Variants in KIAA2012 observed in about 807,000 individuals in gnomAD.
The protein encoded by KIAA2012 is uncharacterized protein KIAA2012.
A neutral mutation model predicts 150.6 loss-of-function variants in KIAA2012; 125 were observed. The observed-to-expected ratio is 0.83, with a 90% CI of 0.72 to 0.96. The LOEUF (loss-of-function observed/expected upper bound fraction) is 0.96, where lower values mean the gene tolerates loss of function less well. Among genes scored for constraint, KIAA2012 ranks in the 40% least tolerant of loss-of-function variants. The probability of loss-of-function intolerance (pLI) is 0.00; values close to 1 mark genes in which losing one functional copy is unlikely to be tolerated. For missense variants in KIAA2012, 1,219 were observed against 1,354.9 expected (o/e 0.90, Z 1.57); for synonymous variants, 462 against 504.7 (o/e 0.92, Z 1.13).
At chr2:202,166,189 G>T (rs544230611) in intron 15 of KIAA2012, among the ~76,000 whole-genome samples, 1 of 152,292 alleles carries the variant, frequency 6.6e-6, no homozygotes, top group Admixed American at 6.5e-5. Flanking sequence ...GCACCAGCTG[G>T]ATTGCATAAA....
At chr2:202,127,071 T>C (rs1485585372) in intron 12 of KIAA2012, among the ~76,000 whole-genome samples, 3 of 151,888 alleles carry the variant, frequency 2.0e-5, no homozygotes, top group African/African-American at 7.3e-5. Context: ...TAAAAAGGAT[T>C]TGCAACTTCT....
At chr2:202,132,781 T>G (rs1690978732) in intron 12 of KIAA2012, among the ~76,000 whole-genome samples, 2 of 57,854 alleles carry the variant, frequency 3.5e-5, no homozygotes, top group African/African-American at 1.4e-4. Flanking sequence ...TATACATATA[T>G]ATATGCGTAT....
chr2:202,132,700 A>ATATATATGTATATATGTGTATATATATAG lies in KIAA2012; in HGVS notation c.1832-5715_1832-5714insGTATATATATAGTATATATGTATATATGT, dbSNP rs1559215319. 3.1e-3 allele frequency among the ~76,000 whole-genome samples: 303 copies of ATATATATGTATATATGTGTATATATATAG among 99,260 alleles called. 2 individuals are homozygous for ATATATATGTATATATGTGTATATATATAG. Among genetic ancestry groups the ATATATATGTATATATGTGTATATATATAG allele is most frequent in the African/African-American group, 0.011 (287 of 25,118 alleles). 65.1% of individuals were successfully genotyped at this position (99,260 alleles called of 152,430 possible). A position where few individuals can be genotyped will look rare whatever the true frequency, so the allele number is the denominator to read the frequency against. On this transcript the variant is annotated intron_variant, in intron 12 of 23. Coordinates refer to ENST00000498697, the MANE Select transcript of KIAA2012 (RefSeq NM_001277372.4). ...AATACATATATATATATGTATGTAT[A>ATATATATGTATATATGTGTATATATATAG]TATATATGTATATATGTATATATAT...
chr2:202,145,882 G>T (rs144521685), intron 13 of KIAA2012, among the ~76,000 whole-genome samples: 2 of 151,544 alleles, frequency 1.3e-5, no homozygotes, highest in African/African-American at 4.9e-5. Context: ...TCGGGGTTTC[G>T]CCATGTTGAC....
chr2:202,191,021 G>T (rs574309624), intron 19 of KIAA2012, among the ~76,000 whole-genome samples: 4 of 152,348 alleles, frequency 2.6e-5, no homozygotes, highest in African/African-American at 9.6e-5. Context: ...GTTCACGCCT[G>T]TAATCCCAGC....
intron 8 of KIAA2012, 46 bp downstream of exon 8, chr2:202,103,160 G>T (rs1364754736): frequency 6.5e-7 from 1 of 1,533,500 alleles, no homozygotes; most frequent in Non-Finnish European, 8.8e-7. Context: ...GCCTGGGATG[G>T]GGGGTCCTGC....
intron 16 of KIAA2012, among the ~76,000 whole-genome samples, chr2:202,185,811 G>A (rs1233024432): frequency 6.6e-6 from 1 of 151,940 alleles, no homozygotes; most frequent in Admixed American, 6.6e-5. Flanking sequence ...GGAAATTAAA[G>A]GTTTTCCAAG....
At chr2:202,178,299 A>T (rs960529309) in intron 15 of KIAA2012, among the ~76,000 whole-genome samples, 1 of 152,238 alleles carries the variant, frequency 6.6e-6, no homozygotes, top group African/African-American at 2.4e-5. Flanking sequence ...TATTTTTCCT[A>T]TACTGTGAAC....
At chr2:202,151,767 T>A (rs1265126662) in intron 13 of KIAA2012, among the ~76,000 whole-genome samples, 2 of 152,170 alleles carry the variant, frequency 1.3e-5, no homozygotes, top group African/African-American at 4.8e-5. Flanking sequence ...TACTTTTATA[T>A]TTATTTATTT....
intron 12 of KIAA2012, among the ~76,000 whole-genome samples, chr2:202,134,034 CA>C (rs1167722455): frequency 6.6e-6 from 1 of 151,024 alleles, no homozygotes; most frequent in Non-Finnish European, 1.5e-5. Flanking sequence ...CATTTATGAC[CA>C]AAAAAACACA....
intron 15 of KIAA2012, among the ~76,000 whole-genome samples, chr2:202,181,170 A>G (rs935553715): frequency 2.0e-5 from 3 of 152,114 alleles, no homozygotes; most frequent in African/African-American, 7.2e-5. Flanking sequence ...GGATCTCACC[A>G]TGCTGCCCAG....
At chr2:202,115,794 T>A (rs1239811414) in intron 11 of KIAA2012, 2 of 151,160 alleles carry the variant, frequency 1.3e-5, no homozygotes, top group Admixed American at 1.3e-4. Flanking sequence ...ATACGATCCA[T>A]CTGATCTTTC....
intron 13 of KIAA2012, among the ~76,000 whole-genome samples, chr2:202,144,226 C>A (rs1034527770): frequency 6.6e-6 from 1 of 152,118 alleles, no homozygotes; most frequent in African/African-American, 2.4e-5. Flanking sequence ...TTGATAGTAT[C>A]CTAAAAATCC....
intron 12 of KIAA2012, among the ~76,000 whole-genome samples, chr2:202,127,897 A>C (rs1417313504): frequency 6.6e-6 from 1 of 152,114 alleles, no homozygotes; most frequent in Non-Finnish European, 1.5e-5. Flanking sequence ...ATTATTGTGC[A>C]AACAGTCTCC....
At chr2:202,198,836 C>T (rs1300975053) in intron 22 of KIAA2012, among the ~76,000 whole-genome samples, 1 of 152,118 alleles carries the variant, frequency 6.6e-6, no homozygotes, top group Non-Finnish European at 1.5e-5. Flanking sequence ...CTTTAGGGGA[C>T]CAAAAAGAGA....
At chr2:202,160,232 A>G (rs964664150) in intron 14 of KIAA2012, among the ~76,000 whole-genome samples, 1 of 152,070 alleles carries the variant, frequency 6.6e-6, no homozygotes, top group Non-Finnish European at 1.5e-5. Context: ...GCAGAACCCA[A>G]GAAGGGAGCA....
Position 202,104,627 on chromosome 2 carries a change from G to A in KIAA2012, c.1325-1134G>A, listed in dbSNP as rs1690133746. ...CATAGGGGCTATCCCTTGCTGTCTG[G>A]TACTGGCCCTCTGATAATTACAGCA... On this transcript the variant is annotated intron_variant, in intron 8 of 23. Coordinates refer to ENST00000498697, the MANE Select transcript of KIAA2012 (RefSeq NM_001277372.4). The surrounding 1 kb of genome is among the most constrained non-coding windows in gnomAD (Gnocchi z 4.3). Among the ~76,000 whole-genome samples the A allele has an allele frequency of 6.6e-6, 1 of 152,206 alleles. No homozygotes were observed. The highest frequency in any genetic ancestry group is 1.5e-5 in the Non-Finnish European group (1 of 68,042).
At chr2:202,095,682 T>C (rs2105917872) in intron 4 of KIAA2012, among the ~76,000 whole-genome samples, 1 of 152,300 alleles carries the variant, frequency 6.6e-6, no homozygotes, top group South Asian at 2.1e-4. Flanking sequence ...TCCCCTCGCA[T>C]TGATTGAGTC....
At chr2:202,172,415 G>A (rs749488860) in intron 15 of KIAA2012, among the ~76,000 whole-genome samples, 11 of 152,326 alleles carry the variant, frequency 7.2e-5, no homozygotes, top group African/African-American at 1.4e-4. Flanking sequence ...GAAACATCAC[G>A]AAATTATGGC....
Sources: gnomAD v4.1 joint callset for allele counts (sites outside exome capture counted in the v4.1 genomes callset) on GRCh38, gnomAD v4.1.1 for gene constraint, Gnocchi (gnomAD v3.1) non-coding constraint, MANE v1.5 for transcripts, NCBI Gene and HGNC (gene_info 2026-07-23, HGNC 2026-07-21) for gene names.